USP26: variants seen among roughly 807,000 people sequenced by gnomAD.
The protein encoded by USP26 is ubiquitin specific peptidase 26.
For synonymous variants in USP26, 236 were observed against 240.6 expected (o/e 0.98, Z 0.18); for missense variants, 649 against 642.3 (o/e 1.01, Z -0.11).
Position 133,027,528 on chromosome X carries a change from C to G in USP26, c.693G>C (p.Lys231Asn), listed in dbSNP as rs1266565058. ...QLKLKELEEN[K>N]KLECESSCIM... ...TGCATGAAGATTCACATTCCAATTT[C>G]TTATTCTCTTCTAACTCTTTTAACT... The change falls in exon 6 of 6, where the codon AAG (lysine) becomes AAC (asparagine). Residue 231 changes from lysine to asparagine, a missense_variant. By Grantham distance (94) the Lys-to-Asn change is moderately conservative. Transcript: ENST00000511190. The G allele has an allele frequency of 1.7e-6, 2 of 1,208,683 alleles. No individual in the cohort carries two copies. Among genetic ancestry groups the G allele is most frequent in the Middle Eastern group, 2.3e-4 (1 of 4,371 alleles).
At chrX:133,093,234 C>T (rs1433438507) in intron 1 of USP26, among the ~76,000 whole-genome samples, 1 of 111,312 alleles carries the variant, frequency 9.0e-6, no homozygotes, top group East Asian at 2.8e-4. Context: ...TTGCAGTGAG[C>T]TAAGATTACT....
chrX:133,063,439 A>G (rs2067500464), intron 5 of USP26, among the ~76,000 whole-genome samples: 1 of 111,497 alleles, frequency 9.0e-6, no homozygotes, highest in Non-Finnish European at 1.9e-5. Context: ...ATATTCTCCA[A>G]GGTTGAAATG....
chrX:133,063,642 G>A (rs1473728918), intron 5 of USP26, among the ~76,000 whole-genome samples: 1 of 111,562 alleles, frequency 9.0e-6, no homozygotes, highest in Non-Finnish European at 1.9e-5. Context: ...GTTCACCAGT[G>A]AGGGAGAAAT....
chrX:133,037,882 C>A (rs757346874), intron 5 of USP26, among the ~76,000 whole-genome samples: 1 of 110,938 alleles, frequency 9.0e-6, no homozygotes, highest in East Asian at 2.8e-4. Context: ...TGAAGAGGTC[C>A]TTCATGTCCT....
At chrX:133,091,331 C>T (rs969633009) in intron 2 of USP26, 22 bp downstream of exon 2, 2 of 111,587 alleles carry the variant, frequency 1.8e-5, no homozygotes, top group African/African-American at 6.5e-5. Context: ...TTCAAATTAC[C>T]TTCAGACCCA....
chrX:133,067,436 T>G (rs2067515433), intron 5 of USP26, among the ~76,000 whole-genome samples: 1 of 112,836 alleles, frequency 8.9e-6, no homozygotes, highest in Admixed American at 9.4e-5. Context: ...ATATGTTTAT[T>G]GCAGCACTAT....
intron 5 of USP26, among the ~76,000 whole-genome samples, chrX:133,051,333 C>A (rs2067458259): frequency 9.0e-6 from 1 of 111,673 alleles, no homozygotes; most frequent in Non-Finnish European, 1.9e-5. Context: ...AAGAAGATGA[C>A]TGGAGTAAGG....
intron 5 of USP26, among the ~76,000 whole-genome samples, chrX:133,039,836 G>A (rs1037253687): frequency 9.0e-6 from 1 of 111,648 alleles, no homozygotes. Flanking sequence ...ATGTGTCTTT[G>A]TAGGTCTCTA....
At chrX:133,082,072 G>A (rs763112110) in intron 5 of USP26, among the ~76,000 whole-genome samples, 1 of 111,885 alleles carries the variant, frequency 8.9e-6, no homozygotes, top group East Asian at 2.8e-4. Context: ...TGCTTGTCCA[G>A]TTGGGGAGAT....
At chrX:133,041,647 C>G (rs1281658634) in intron 5 of USP26, among the ~76,000 whole-genome samples, 1 of 112,431 alleles carries the variant, frequency 8.9e-6, no homozygotes, top group African/African-American at 3.2e-5. Flanking sequence ...GTTGGGAAGT[C>G]TCTCCCAGTC....
intron 5 of USP26, among the ~76,000 whole-genome samples, chrX:133,051,037 G>A (rs902185716): frequency 2.0e-4 from 22 of 111,722 alleles, no homozygotes; most frequent in Non-Finnish European, 3.6e-4. Flanking sequence ...GACAGTTCTG[G>A]AAAATCTATT....
At chrX:133,081,124 T>A (rs1237185990) in intron 5 of USP26, among the ~76,000 whole-genome samples, 1 of 110,739 alleles carries the variant, frequency 9.0e-6, no homozygotes, top group Admixed American at 9.7e-5. Context: ...CCTAAGACTT[T>A]GAGCTATCAT....
At position 133,027,349 on chromosome X, in the gene USP26, T is replaced by C. The variant is rs1343374761; in HGVS notation, c.872A>G (p.Glu291Gly). ...ATTGGGGAGGCCGTGGCATATTTTC[T>C]CTGGAAATAATTCAAAAAATAGTTT... ...KLKLFFELFP[E>G]KICHGLPNLG... is the part of the protein sequence containing the mutation. Residue 291 changes from glutamate (E) to glycine (G), a missense_variant, in exon 6 of 6, where the codon GAG (glutamate) becomes GGG (glycine). Transcript: ENST00000511190. The C allele has an allele frequency of 5.8e-6, 7 of 1,209,154 alleles. No homozygotes were observed. Among genetic ancestry groups the C allele is most frequent in the Non-Finnish European group, 7.8e-6 (7 of 894,483 alleles).
At chrX:133,053,168 A>G (rs1420126778) in intron 5 of USP26, among the ~76,000 whole-genome samples, 1 of 112,094 alleles carries the variant, frequency 8.9e-6, no homozygotes, top group Non-Finnish European at 1.9e-5. Flanking sequence ...AGCCCATGAC[A>G]TAAGTATAAT....
chrX:133,090,029 T>G (rs1004175303), intron 4 of USP26, 84 bp downstream of exon 4: 10 of 111,478 alleles, frequency 9.0e-5, no homozygotes, highest in African/African-American at 2.0e-4. Context: ...AAGGCTGAAG[T>G]TGGAGGATCA....
intron 5 of USP26, among the ~76,000 whole-genome samples, chrX:133,035,493 A>G (rs1455656240): frequency 8.9e-6 from 1 of 112,188 alleles, no homozygotes; most frequent in African/African-American, 3.2e-5. Flanking sequence ...TTTAGAGCCT[A>G]TTATGACAGA....
intron 5 of USP26, among the ~76,000 whole-genome samples, chrX:133,070,650 T>C (rs886103619): frequency 4.5e-5 from 5 of 112,205 alleles, no homozygotes; most frequent in Non-Finnish European, 9.4e-5. Context: ...TGATTGAATG[T>C]TGATGGTCTG....
At chrX:133,045,753 C>G (rs1432175338) in intron 5 of USP26, 1 of 112,334 alleles carries the variant, frequency 8.9e-6, no homozygotes, top group Non-Finnish European at 1.9e-5. Context: ...GAACAAAATC[C>G]AGACACGCAG....
At chrX:133,071,218 A>T (rs1033111347) in intron 5 of USP26, among the ~76,000 whole-genome samples, 22 of 110,042 alleles carry the variant, frequency 2.0e-4, no homozygotes, top group African/African-American at 6.6e-4. Context: ...TCCATCACAA[A>T]AATAATAATA....
Sources: allele counts gnomAD v4.1 joint callset (sites outside exome capture counted in the v4.1 genomes callset), GRCh38; gene constraint gnomAD v4.1.1; transcripts MANE v1.5; gene names NCBI Gene and HGNC (gene_info 2026-07-23, HGNC 2026-07-21).